TTYH3: variants seen among roughly 807,000 people sequenced by gnomAD.
TTYH3 encodes protein tweety homolog 3.
In TTYH3, 23 loss-of-function variants were observed where a neutral mutation model predicts 68.2. The ratio of observed to expected loss-of-function variants is 0.34; its 90% confidence interval spans 0.24 to 0.48. The LOEUF is 0.48. Among genes scored for constraint, TTYH3 ranks in the 20% least tolerant of loss-of-function variants. The pLI, the probability that TTYH3 is intolerant of heterozygous loss-of-function variation, is 0.99. For synonymous variants in TTYH3, 360 were observed against 332.8 expected, an observed-to-expected ratio of 1.08 and a Z score of -0.89; for missense variants, 768 against 727.7, an observed-to-expected ratio of 1.06 and a Z score of -0.64.
intron 1 of TTYH3, among the ~76,000 whole-genome samples, chr7:2,639,618 G>A (rs1390999556): frequency 6.6e-6 from 1 of 152,258 alleles, no homozygotes; most frequent in East Asian, 1.9e-4. Flanking sequence ...GCCCAGCCAG[G>A]ACCACAGCCG....
At position 2,656,531 on chromosome 7, in the gene TTYH3, A is replaced by T. The variant is rs778143885; in HGVS notation, c.1247A>T (p.Lys416Met). The change falls in exon 11 of 14, where the codon AAG becomes ATG. Residue 416 changes from lysine (K) to methionine (M), a missense_variant. Transcript: ENST00000258796. ...AGCGTCCCGCACACCTGGCAGCAAAAGAGGTGAGGGGCCCTGGGGGGTCGC... is the reference window on the plus strand; with the variant it reads ...AGCGTCCCGCACACCTGGCAGCAAATGAGGTGAGGGGCCCTGGGGGGTCGC... ...VCSVPHTWQQKRGPDEDGEEE... is the reference protein window; with the variant it reads ...VCSVPHTWQQMRGPDEDGEEE... 3.7e-6 allele frequency: 6 copies of T among 1,601,852 alleles called. No homozygotes were observed. Among genetic ancestry groups the T allele is most frequent in the Non-Finnish European group, 5.1e-6 (6 of 1,175,908 alleles).
rs576223574 is a variant in TTYH3 at position 2,648,304 on chromosome 7, C to G, written c.722+250C>G. 4.7e-4 allele frequency: 231 copies of G among 486,586 alleles called. 2 individuals carry two copies. The Middle Eastern group carries it at 0.011, about 23-fold the overall frequency. The allele number at this position is 486,586 out of a possible 1,614,324, so 30.1% of individuals were successfully genotyped here. ...TTCCTGCAAGAGTCTGCACGTGGGG[C>G]ACTTGTAGCCCAGGACCTGAAGCAA... On this transcript the variant is annotated intron_variant, in intron 5 of 13. Transcript: ENST00000258796.
rs769272747 is a variant in TTYH3, at chr7:2,647,004, T to C, written c.275T>C (p.Ile92Thr). ...DCCCTAWCVI[I>T]ATLVCSAGIA... ...TGCTGCACGGCCTGGTGTGTCATCA[T>C]CGCCACGCTGGTGTGCAGGTGAGCG... is the stretch of plus-strand genomic sequence containing the variant. Residue 92 changes from isoleucine to threonine, a missense_variant, in exon 2 of 14, where the codon ATC (isoleucine) becomes ACC (threonine). By Grantham distance (89) the Ile-to-Thr change is moderately conservative (BLOSUM62 -1). Transcript: ENST00000258796. The C allele has an allele frequency of 1.9e-6, 3 of 1,546,308 alleles. No homozygotes were observed. The South Asian group carries it at 3.5e-5, about 18-fold the overall frequency.
intron 5 of TTYH3, among the ~76,000 whole-genome samples, chr7:2,648,951 G>T (rs1786081396): frequency 6.6e-6 from 1 of 151,880 alleles, no homozygotes; most frequent in Admixed American, 6.6e-5. Context: ...CCCGCAGTGG[G>T]GTGTGGGGCC....
chr7:2,661,653 C>T lies in TTYH3; in HGVS notation c.1501-15C>T, dbSNP rs1562721750. 1.9e-6 allele frequency: 3 copies of T among 1,611,432 alleles called. No individual in the cohort carries two copies. The highest frequency in any genetic ancestry group is 1.7e-5 in the Admixed American group (1 of 59,860). ...GCAGGGGCCCTGCTGATGCCTCCCC[C>T]TTGTCTCCCTCCAGTACACCTCCAG... On this transcript the variant is annotated splice_polypyrimidine_tract_variant and intron_variant, in intron 13 of 13. Transcript: ENST00000258796.
At chr7:2,636,961 G>A (rs552262000) in intron 1 of TTYH3, among the ~76,000 whole-genome samples, 1 of 152,122 alleles carries the variant, frequency 6.6e-6, no homozygotes, top group African/African-American at 2.4e-5. Context: ...GCAGCAGCCT[G>A]GGACCCTCTA....
At chr7:2,635,439 G>C (rs1785631926) in intron 1 of TTYH3, among the ~76,000 whole-genome samples, 1 of 152,224 alleles carries the variant, frequency 6.6e-6, no homozygotes, top group African/African-American at 2.4e-5. Context: ...CGTGTCCTCA[G>C]GCAGGGATCA....
In TTYH3 at chr7:2,663,093, C is replaced by G. The variant is rs1786535612; in HGVS notation, c.*1354C>G. ...GTGCTTCCCGCCGTGGAGGGCAGAG[C>G]CACCCCACATCAGGATCGGACGTGC... On this transcript the variant is annotated 3_prime_UTR_variant, in exon 14 of 14. Transcript: ENST00000258796. 6.6e-6 allele frequency: 1 copy of G among 152,350 alleles called. No individual in the cohort carries two copies. 9.4% of individuals were successfully genotyped at this position (152,350 alleles called of 1,614,324 possible).
intron 1 of TTYH3, chr7:2,646,008 G>T (rs1317383156): frequency 8.9e-6 from 3 of 337,424 alleles, no homozygotes; most frequent in Admixed American, 7.7e-5. Context: ...TTCTTCGGGG[G>T]AGCAGCAGCA....
At chr7:2,659,860 C>A (rs924790651) in intron 13 of TTYH3, 3 of 1,261,754 alleles carry the variant, frequency 2.4e-6, no homozygotes, top group Non-Finnish European at 3.1e-6. Flanking sequence ...ACAGCCCACT[C>A]CTGGCCCCAC....
At chr7:2,643,898 G>A (rs998403292) in intron 1 of TTYH3, among the ~76,000 whole-genome samples, 5 of 152,184 alleles carry the variant, frequency 3.3e-5, no homozygotes, top group African/African-American at 4.8e-5. Context: ...GTTTCCCTGC[G>A]AGGCTGTGAG....
At chr7:2,650,505 G>A (rs1038826070) in intron 7 of TTYH3, among the ~76,000 whole-genome samples, 2 of 152,050 alleles carry the variant, frequency 1.3e-5, no homozygotes, top group Admixed American at 6.5e-5. Flanking sequence ...CTGAACCCAG[G>A]AGGTGGAGGT....
chr7:2,653,489 A>G (rs557997591), intron 9 of TTYH3, among the ~76,000 whole-genome samples: 2 of 152,362 alleles, frequency 1.3e-5, no homozygotes, highest in Admixed American at 6.5e-5. Context: ...CCCTGGGGGC[A>G]TTGTGGAAAT....
At chr7:2,651,664 A>T (rs1321418144) in intron 7 of TTYH3, among the ~76,000 whole-genome samples, 5 of 152,260 alleles carry the variant, frequency 3.3e-5, no homozygotes, top group Non-Finnish European at 7.3e-5. Flanking sequence ...CGCTGGCTTC[A>T]CTGCACAGGC....
chr7:2,643,102 TC>T (rs1231564904), intron 1 of TTYH3, among the ~76,000 whole-genome samples: 1 of 151,626 alleles, frequency 6.6e-6, no homozygotes, highest in African/African-American at 2.4e-5. Context: ...ACGCCTGTAA[TC>T]CCAGCACTTT....
intron 13 of TTYH3, chr7:2,660,041 G>A: frequency 8.3e-7 from 1 of 1,202,820 alleles, no homozygotes; most frequent in Non-Finnish European, 1.1e-6. Flanking sequence ...AGAGCGACAG[G>A]TACTGACCCA....
Position 2,652,259 on chromosome 7 carries a change from C to T in TTYH3, c.927+17C>T. The T allele has an allele frequency of 1.9e-6, 3 of 1,609,368 alleles. No homozygotes were observed. Among genetic ancestry groups the T allele is most frequent in the Non-Finnish European group, 2.5e-6 (3 of 1,179,138 alleles). On this transcript the variant is annotated intron_variant, in intron 8 of 13. Transcript: ENST00000258796. ...TTCCAGCAGGTGAGAGCCTGGGAGGCCGGGACTGGGCTTCAGGAGAGTCTG... is the reference window on the plus strand; with the variant it reads ...TTCCAGCAGGTGAGAGCCTGGGAGGTCGGGACTGGGCTTCAGGAGAGTCTG...
chr7:2,658,748 T>C (rs1258195506), intron 12 of TTYH3, among the ~76,000 whole-genome samples, 192 bp from the exon 13 acceptor site: 1 of 152,114 alleles, frequency 6.6e-6, no homozygotes, highest in Non-Finnish European at 1.5e-5. Flanking sequence ...GGACTCTGGC[T>C]GGGCCAAGGT....
In TTYH3 at chr7:2,660,483, G is replaced by A. The variant is rs558248345; in HGVS notation, c.1501-1185G>A. On this transcript the variant is annotated intron_variant, in intron 13 of 13. Transcript: ENST00000258796. ...GCCGGCGAGCACGTGAGCTTCTCCC[G>A]CTGGCCCCACGGTGGTGCGGGTGCC... The A allele has an allele frequency of 2.6e-5, 26 of 985,386 alleles. No homozygotes were observed. In the South Asian group the frequency reaches 8.9e-4, roughly 34 times the overall value. The allele number at this position is 985,386 out of a possible 1,614,324, so 61.0% of individuals were successfully genotyped here.
Sources: allele counts gnomAD v4.1 joint callset (sites outside exome capture counted in the v4.1 genomes callset), GRCh38; gene constraint gnomAD v4.1.1; transcripts MANE v1.5; gene names NCBI Gene and HGNC (gene_info 2026-07-23, HGNC 2026-07-21).